Variants in LRMDA observed in about 807,000 individuals in gnomAD.
LRMDA encodes the protein leucine-rich melanocyte differentiation-associated protein.
In LRMDA, 18 loss-of-function variants were observed where a neutral mutation model predicts 29.8. The ratio of observed to expected loss-of-function variants is 0.60; its 90% CI spans 0.42 to 0.90. The LOEUF (loss-of-function observed/expected upper bound fraction) is 0.90, where lower values mean the gene tolerates loss of function less well. Ranked by LOEUF, LRMDA falls within the 40% of genes least tolerant of loss-of-function variation. The pLI is 0.00. For missense variants in LRMDA, 273 were observed against 273.9 expected (o/e 1.00, Z 0.02); for synonymous variants, 125 against 109.4 (o/e 1.14, Z -0.89).
chr10:75,632,235 A>G (rs1841333109), intron 2 of LRMDA, among the ~76,000 whole-genome samples: 1 of 152,190 alleles, frequency 6.6e-6, no homozygotes, highest in African/African-American at 2.4e-5. Context: ...ATGATGTGGA[A>G]ATCTTTGGAA....
intron 5 of LRMDA, among the ~76,000 whole-genome samples, chr10:76,309,250 C>T (rs545449588): frequency 1.3e-5 from 2 of 152,236 alleles, no homozygotes; most frequent in Admixed American, 6.5e-5. Flanking sequence ...CTGATGCTGA[C>T]AGCAGGCACC....
chr10:76,539,435 C>A (rs1843328120), intron 6 of LRMDA, among the ~76,000 whole-genome samples: 1 of 152,120 alleles, frequency 6.6e-6, no homozygotes, highest in African/African-American at 2.4e-5. Flanking sequence ...AGAGATGGAA[C>A]AGGTTTCCCA....
chr10:75,473,697 G>A (rs1157399721), intron 2 of LRMDA, among the ~76,000 whole-genome samples: 5 of 152,202 alleles, frequency 3.3e-5, no homozygotes, highest in African/African-American at 1.2e-4. Context: ...TGGCATGCTG[G>A]TTGTGAGGAT....
At chr10:76,314,710 A>G (rs1033819213) in intron 5 of LRMDA, among the ~76,000 whole-genome samples, 5 of 152,232 alleles carry the variant, frequency 3.3e-5, no homozygotes, top group Non-Finnish European at 7.3e-5. Context: ...ATTTTAAATA[A>G]TACCTGTGTT....
intron 2 of LRMDA, among the ~76,000 whole-genome samples, chr10:75,863,809 C>T (rs1188525933): frequency 6.6e-6 from 1 of 152,320 alleles, no homozygotes; most frequent in South Asian, 2.1e-4. Context: ...AGCAAGGACA[C>T]TTAGAATGTG....
At chr10:75,718,597 A>G (rs1437143609) in intron 2 of LRMDA, among the ~76,000 whole-genome samples, 1 of 152,220 alleles carries the variant, frequency 6.6e-6, no homozygotes, top group Non-Finnish European at 1.5e-5. Flanking sequence ...TATTTAGTCA[A>G]CATGTAATTT....
At position 75,670,559 on chromosome 10, in the gene LRMDA, A is replaced by T. The variant is rs1052509523; in HGVS notation, c.131+232065A>T. ...AGATGGTGAGGAGCTGGCTTTTCCC[A>T]GTCCTCCTTCCCATCCTGGCTCCAA... is the stretch of plus-strand genomic sequence containing the variant. On this transcript the variant is annotated intron_variant, in intron 2 of 6. Transcript: ENST00000611255. Among the ~76,000 whole-genome samples the T allele has an allele frequency of 2.0e-5, 3 of 152,270 alleles. No homozygotes were observed. The East Asian group carries it at 5.8e-4, about 29-fold the overall frequency.
rs147718373 is a variant in LRMDA at position 75,872,660 on chromosome 10, T to C, written c.132-163348T>C. 2.0e-4 allele frequency among the ~76,000 whole-genome samples: 31 copies of C among 152,314 alleles called. No individual in the cohort carries two copies. In the East Asian group the frequency reaches 5.8e-3, roughly 28 times the overall value. Reference sequence around the variant, plus strand: ...TTACATGTTTTCTCGTTCCCATGAATTGAAGCTATTTATTTCTCCTTTGCT... The same window carrying C: ...TTACATGTTTTCTCGTTCCCATGAACTGAAGCTATTTATTTCTCCTTTGCT... On this transcript the variant is annotated intron_variant, in intron 2 of 6. Transcript: ENST00000611255.
intron 2 of LRMDA, among the ~76,000 whole-genome samples, chr10:75,670,389 T>C (rs1294808032): frequency 1.3e-5 from 2 of 152,098 alleles, no homozygotes; most frequent in Non-Finnish European, 2.9e-5. Flanking sequence ...CCAGAGCATT[T>C]TTTTTAAATA....
At chr10:76,554,544 C>T (rs1006732373) in intron 6 of LRMDA, among the ~76,000 whole-genome samples, 2 of 152,232 alleles carry the variant, frequency 1.3e-5, no homozygotes, top group African/African-American at 4.8e-5. Flanking sequence ...CACCTAGCCG[C>T]AGTCTCCTGC....
At chr10:76,487,550 A>G (rs1188971744) in intron 6 of LRMDA, among the ~76,000 whole-genome samples, 1 of 151,890 alleles carries the variant, frequency 6.6e-6, no homozygotes, top group Admixed American at 6.6e-5. Context: ...TGATTTAATT[A>G]GACTGGATTT....
Position 76,254,335 on chromosome 10 carries a change from C to CTATACT in LRMDA, c.517-70066_517-70065insTATACT, listed in dbSNP as rs1564701474. Among the ~76,000 whole-genome samples, 327 of 136,310 alleles carry CTATACT rather than the reference C, an allele frequency of 2.4e-3. 1 individual carries two copies. Among genetic ancestry groups the CTATACT allele is most frequent in the African/African-American group, 8.5e-3 (313 of 36,856 alleles). The allele number at this position is 136,310 out of a possible 152,430, so 89.4% of individuals were successfully genotyped here. ...CATACCATACCATACCATACCATAC[C>CTATACT]ATACCATCCTATCCTATCCTATCCT... On this transcript the variant is annotated intron_variant, in intron 5 of 6. Coordinates refer to ENST00000611255, the MANE Select transcript of LRMDA (RefSeq NM_001305581.2).
chr10:76,539,000 T>G (rs1470116615), intron 6 of LRMDA, among the ~76,000 whole-genome samples: 2 of 136,600 alleles, frequency 1.5e-5, no homozygotes, highest in Non-Finnish European at 3.2e-5. Context: ...GTTTCTCCAT[T>G]TACTTATTTT....
At chr10:76,406,690 G>A (rs1472368040) in intron 6 of LRMDA, among the ~76,000 whole-genome samples, 2 of 152,140 alleles carry the variant, frequency 1.3e-5, no homozygotes, top group Non-Finnish European at 2.9e-5. Context: ...GGGTTGTCAG[G>A]TGTCCTTTCA....
chr10:75,678,648 CTTTTCTCTTG>C (rs1841989236), intron 2 of LRMDA, among the ~76,000 whole-genome samples: 1 of 152,190 alleles, frequency 6.6e-6, no homozygotes, highest in African/African-American at 2.4e-5. Context: ...TCTTCATTTG[CTTTTCTCTTG>C]TTAAAGTCAT....
chr10:75,554,605 A>G lies in LRMDA; in HGVS notation c.131+116111A>G, dbSNP rs1225033608. Among the ~76,000 whole-genome samples, 6 of 152,306 alleles carry G rather than the reference A, an allele frequency of 3.9e-5. No individual in the cohort carries two copies. The East Asian group carries it at 9.6e-4, about 24-fold the overall frequency. ...TGAATTACAGCTAATGATGGTAATT[A>G]TAAGGTGGCAGACTTCAGTTTAATC... On this transcript the variant is annotated intron_variant, in intron 2 of 6. Coordinates refer to ENST00000611255, the MANE Select transcript of LRMDA (RefSeq NM_001305581.2).
At chr10:76,171,418 C>T (rs1437622910) in intron 5 of LRMDA, among the ~76,000 whole-genome samples, 5 of 152,164 alleles carry the variant, frequency 3.3e-5, no homozygotes, top group Non-Finnish European at 5.9e-5. Flanking sequence ...GGATTACAGG[C>T]GTGAGCCACC....
intron 2 of LRMDA, among the ~76,000 whole-genome samples, chr10:75,864,517 T>C (rs1249348452): frequency 6.6e-6 from 1 of 152,198 alleles, no homozygotes; most frequent in African/African-American, 2.4e-5. Context: ...TAATATACTA[T>C]TTGACCACAT....
At chr10:76,490,695 T>C (rs1397730792) in intron 6 of LRMDA, among the ~76,000 whole-genome samples, 2 of 151,994 alleles carry the variant, frequency 1.3e-5, no homozygotes, top group Non-Finnish European at 2.9e-5. Flanking sequence ...GTATTTCCTA[T>C]AGACAACAGA....
Sources: allele counts gnomAD v4.1 joint callset (sites outside exome capture counted in the v4.1 genomes callset), GRCh38; gene constraint gnomAD v4.1.1; transcripts MANE v1.5; gene names NCBI Gene and HGNC (gene_info 2026-07-23, HGNC 2026-07-21).